Variants in LUZP2 observed in about 807,000 individuals in gnomAD.
LUZP2 encodes the protein leucine zipper protein 2.
In LUZP2, 52 loss-of-function variants were observed where a neutral mutation model predicts 51.6. The observed-to-expected ratio is 1.01, with a 90% CI of 0.81 to 1.27. The LOEUF is 1.27. Ranked by LOEUF, LUZP2 falls within the 50% of genes most tolerant of loss-of-function variation. LUZP2 has a pLI of 0.00. For missense variants in LUZP2, 436 were observed against 395.4 expected (o/e 1.10, Z -0.87); for synonymous variants, 154 against 137.3 (o/e 1.12, Z -0.85).
chr11:24,734,207 G>A (rs1858839595), intron 3 of LUZP2, among the ~76,000 whole-genome samples: 1 of 151,658 alleles, frequency 6.6e-6, no homozygotes, highest in African/African-American at 2.4e-5. Flanking sequence ...TAAGACAATG[G>A]AGTAAAAGAA....
At chr11:24,981,646 A>C (rs1856034377) in intron 8 of LUZP2, among the ~76,000 whole-genome samples, 1 of 151,882 alleles carries the variant, frequency 6.6e-6, no homozygotes. Flanking sequence ...CAAGGCCCAG[A>C]GGAAATGAGA....
At chr11:25,061,115 C>T (rs774167624) in intron 10 of LUZP2, among the ~76,000 whole-genome samples, 19 of 150,994 alleles carry the variant, frequency 1.3e-4, no homozygotes, top group Non-Finnish European at 2.4e-4. Context: ...AGAGTTGGGA[C>T]TCAAATTCAT....
intron 5 of LUZP2, among the ~76,000 whole-genome samples, chr11:24,858,763 A>G (rs1197109770): frequency 6.6e-6 from 1 of 152,218 alleles, no homozygotes; most frequent in Non-Finnish European, 1.5e-5. Flanking sequence ...GCACTATTTG[A>G]AGAAAGGGTA....
chr11:25,032,280 T>C (rs1857712254), intron 9 of LUZP2, among the ~76,000 whole-genome samples: 2 of 152,156 alleles, frequency 1.3e-5, no homozygotes, highest in Non-Finnish European at 2.9e-5. Context: ...ACCACTTGTG[T>C]GTTTTCACAG....
At chr11:24,792,425 C>T (rs74617952) in intron 5 of LUZP2, among the ~76,000 whole-genome samples, 1 of 130,922 alleles carries the variant, frequency 7.6e-6, no homozygotes, top group Non-Finnish European at 1.7e-5. Flanking sequence ...GACTCTGTCT[C>T]AAAAAAAAAA....
At chr11:25,016,104 T>C (rs1347939628) in intron 9 of LUZP2, among the ~76,000 whole-genome samples, 1 of 151,860 alleles carries the variant, frequency 6.6e-6, no homozygotes, top group Non-Finnish European at 1.5e-5. Context: ...GCATTTTTAG[T>C]AGAGACGGGG....
At chr11:24,895,389 CA>C (rs1853007307) in intron 5 of LUZP2, among the ~76,000 whole-genome samples, 1 of 151,788 alleles carries the variant, frequency 6.6e-6, no homozygotes, top group African/African-American at 2.4e-5. Context: ...CTTTTAGATT[CA>C]GGGGGTGCAT....
chr11:24,708,414 T>C (rs2133925140), intron 1 of LUZP2, among the ~76,000 whole-genome samples: 1 of 152,282 alleles, frequency 6.6e-6, no homozygotes, highest in Non-Finnish European at 1.5e-5. Flanking sequence ...ATCAAAATTT[T>C]TATAGTCTTT....
chr11:24,963,766 C>A (rs1174359781), intron 7 of LUZP2, among the ~76,000 whole-genome samples: 10 of 152,126 alleles, frequency 6.6e-5, no homozygotes, highest in African/African-American at 1.4e-4. Context: ...CGGTGCGCTG[C>A]ATCCACTGAC....
chr11:25,014,967 A>G (rs952227339), intron 9 of LUZP2, among the ~76,000 whole-genome samples: 4 of 152,120 alleles, frequency 2.6e-5, no homozygotes, highest in African/African-American at 9.7e-5. Context: ...CTTTCTACAT[A>G]TGGCTAGCCA....
chr11:25,001,499 T>C (rs1856680840), intron 9 of LUZP2, among the ~76,000 whole-genome samples: 1 of 152,186 alleles, frequency 6.6e-6, no homozygotes, highest in Non-Finnish European at 1.5e-5. Context: ...TTAAGGATTA[T>C]TTATAGGAAA....
At chr11:25,048,528 C>T (rs1222074453) in intron 9 of LUZP2, among the ~76,000 whole-genome samples, 4 of 152,158 alleles carry the variant, frequency 2.6e-5, no homozygotes, top group Non-Finnish European at 5.9e-5. Flanking sequence ...TTACCAAAGG[C>T]ATCTAAAACA....
intron 5 of LUZP2, among the ~76,000 whole-genome samples, chr11:24,879,534 A>C (rs990429805): frequency 1.3e-5 from 2 of 152,162 alleles, no homozygotes; most frequent in Admixed American, 6.6e-5. Context: ...CATTCCCACC[A>C]GCCATGTAAA....
At chr11:24,513,366 C>T (rs1442336618) in intron 1 of LUZP2, among the ~76,000 whole-genome samples, 2 of 152,130 alleles carry the variant, frequency 1.3e-5, no homozygotes, top group African/African-American at 4.8e-5. Context: ...AGCCTTCATC[C>T]TTTAGCAGTC....
rs1233863069 is a variant in LUZP2 at position 25,030,513 on chromosome 11, ATAGT to A, written c.766-19522_766-19519del. On this transcript the variant is annotated intron_variant, in intron 9 of 11. Transcript: ENST00000336930. ...AATATTGACAATTCTTTTTCCAAAA[ATAGT>A]TATTTAAAATTTATTTATATAAATA... 4.6e-5 allele frequency among the ~76,000 whole-genome samples: 7 copies of A among 152,028 alleles called. No homozygotes were observed. In the East Asian group the frequency reaches 1.2e-3, roughly 25 times the overall value.
intron 1 of LUZP2, among the ~76,000 whole-genome samples, chr11:24,593,381 C>T (rs1034432394): frequency 6.6e-6 from 1 of 152,084 alleles, no homozygotes; most frequent in African/African-American, 2.4e-5. Flanking sequence ...GATTAAGCTG[C>T]ATAGTACTTC....
chr11:24,870,756 T>C (rs921818513), intron 5 of LUZP2, among the ~76,000 whole-genome samples: 4 of 152,144 alleles, frequency 2.6e-5, no homozygotes, highest in African/African-American at 9.6e-5. Context: ...GGGGTTTCTC[T>C]CGGCTAAAAA....
At chr11:24,769,263 T>A (rs533589389) in intron 5 of LUZP2, among the ~76,000 whole-genome samples, 12,199 of 152,168 alleles carry the variant, frequency 0.08, 1,055 homozygotes, top group African/African-American at 0.22. Context: ...GGAAGAAGTT[T>A]TGTCAACAGG....
chr11:24,865,298 T>C (rs1851857570), intron 5 of LUZP2, among the ~76,000 whole-genome samples: 1 of 152,200 alleles, frequency 6.6e-6, no homozygotes. Flanking sequence ...TTAACCACTA[T>C]TTTTGTTTTT....
Sources: allele counts gnomAD v4.1 joint callset (sites outside exome capture counted in the v4.1 genomes callset), GRCh38; gene constraint gnomAD v4.1.1; transcripts MANE v1.5; gene names NCBI Gene and HGNC (gene_info 2026-07-23, HGNC 2026-07-21).